SLC35F1: variants seen among roughly 807,000 people sequenced by gnomAD.
SLC35F1 encodes the protein chromosome 6 open reading frame 169.
In SLC35F1, 14 loss-of-function variants were observed where a neutral mutation model predicts 48.7. That is an observed-to-expected ratio of 0.29 (90% CI 0.19 to 0.45). The LOEUF (loss-of-function observed/expected upper bound fraction) is 0.45. Ranked by LOEUF, SLC35F1 falls within the 20% of genes least tolerant of loss-of-function variation. The probability of loss-of-function intolerance (pLI) is 1.00; values close to 1 mark genes in which losing one functional copy is unlikely to be tolerated. For synonymous variants in SLC35F1, 190 were observed against 202.2 expected (o/e 0.94, Z 0.51); for missense variants, 404 against 500.0 (o/e 0.81, Z 1.83).
At chr6:118,232,419 A>T (rs1193981980) in intron 2 of SLC35F1, among the ~76,000 whole-genome samples, 1 of 151,882 alleles carries the variant, frequency 6.6e-6, no homozygotes, top group African/African-American at 2.4e-5. Flanking sequence ...GTGGTGGTGC[A>T]TGCCTGTAAT....
intron 3 of SLC35F1, among the ~76,000 whole-genome samples, chr6:118,246,900 A>T: frequency 6.6e-6 from 1 of 152,140 alleles, no homozygotes; most frequent in East Asian, 1.9e-4. Flanking sequence ...CTACTAAGTG[A>T]CTTTTAACAG....
intron 2 of SLC35F1, among the ~76,000 whole-genome samples, chr6:118,184,731 G>A (rs984316726): frequency 5.3e-5 from 8 of 152,078 alleles, no homozygotes; most frequent in Non-Finnish European, 1.0e-4. Flanking sequence ...TTTGAACTTC[G>A]GGGCACATCC....
chr6:117,922,347 T>C (rs1457995372), intron 1 of SLC35F1, among the ~76,000 whole-genome samples: 1 of 152,182 alleles, frequency 6.6e-6, no homozygotes, highest in Non-Finnish European at 1.5e-5. Flanking sequence ...AGATATTAAT[T>C]TGTGTTAAAT....
At chr6:118,139,256 G>T (rs1378595855) in intron 1 of SLC35F1, among the ~76,000 whole-genome samples, 3 of 152,130 alleles carry the variant, frequency 2.0e-5, no homozygotes, top group Non-Finnish European at 4.4e-5. Flanking sequence ...GGGACTACAG[G>T]CGCCTGCCAC....
At chr6:118,308,543 T>G (rs1776338514) in intron 7 of SLC35F1, among the ~76,000 whole-genome samples, 1 of 152,184 alleles carries the variant, frequency 6.6e-6, no homozygotes, top group African/African-American at 2.4e-5. Flanking sequence ...ATGGTTGCAT[T>G]GATTTTGAAG....
rs142597633 is a variant in SLC35F1 at position 118,040,403 on chromosome 6, A to G, written c.174-114042A>G. Among the ~76,000 whole-genome samples, 862 of 152,272 alleles carry G rather than the reference A, an allele frequency of 5.7e-3. 9 individuals carry two copies. Among genetic ancestry groups the G allele is most frequent in the African/African-American group, 0.02 (827 of 41,556 alleles). ...TTTTCTAGAATTTGTAGGCATAATC[A>G]GCGAAAAGGGATGGATTATAGGAAA... On this transcript the variant is annotated intron_variant, in intron 1 of 7. Coordinates refer to ENST00000360388, the MANE Select transcript of SLC35F1 (RefSeq NM_001029858.4).
intron 1 of SLC35F1, among the ~76,000 whole-genome samples, chr6:118,048,734 A>G (rs1772338101): frequency 6.6e-6 from 1 of 152,240 alleles, no homozygotes; most frequent in African/African-American, 2.4e-5. Context: ...AAATGGAAGA[A>G]CATTCCATGC....
At chr6:118,018,971 T>A (rs2114882754) in intron 1 of SLC35F1, among the ~76,000 whole-genome samples, 1 of 152,284 alleles carries the variant, frequency 6.6e-6, no homozygotes, top group South Asian at 2.1e-4. Context: ...AGACTGAAAA[T>A]CATTTGAAAT....
At position 118,032,627 on chromosome 6, in the gene SLC35F1, C is replaced by G. The variant is rs1279409718; in HGVS notation, c.174-121818C>G. Among the ~76,000 whole-genome samples the G allele has an allele frequency of 2.6e-5, 4 of 152,198 alleles. No homozygotes were observed. In the South Asian group the frequency reaches 8.3e-4, roughly 31 times the overall value. ...CTGTTTCTCTTCCAACTTGATTTAA[C>G]TGTTACAGGTAATTCCAGTGTGATA... On this transcript the variant is annotated intron_variant, in intron 1 of 7. Coordinates refer to ENST00000360388, the MANE Select transcript of SLC35F1 (RefSeq NM_001029858.4).
At chr6:118,025,482 C>G (rs1476874864) in intron 1 of SLC35F1, among the ~76,000 whole-genome samples, 2 of 152,144 alleles carry the variant, frequency 1.3e-5, no homozygotes, top group African/African-American at 4.8e-5. Context: ...AGTTATTCCC[C>G]TGTGGTTTCC....
chr6:118,290,806 T>C (rs1163007509), intron 7 of SLC35F1, among the ~76,000 whole-genome samples: 1 of 150,948 alleles, frequency 6.6e-6, no homozygotes, highest in African/African-American at 2.4e-5. Context: ...CTATTTTTTT[T>C]TTTTTCGAGA....
chr6:118,241,834 T>G (rs996336124), intron 3 of SLC35F1, among the ~76,000 whole-genome samples: 1 of 152,202 alleles, frequency 6.6e-6, no homozygotes, highest in Non-Finnish European at 1.5e-5. Context: ...TATTTAACAT[T>G]TTGAGATTGG....
chr6:118,214,904 T>C (rs1020844349), intron 2 of SLC35F1, among the ~76,000 whole-genome samples: 24 of 152,206 alleles, frequency 1.6e-4, no homozygotes, highest in African/African-American at 5.5e-4. Context: ...GTATGACTTG[T>C]GCTCTTTTGT....
chr6:118,269,964 G>A (rs920947022), intron 4 of SLC35F1, among the ~76,000 whole-genome samples: 7 of 152,092 alleles, frequency 4.6e-5, no homozygotes, highest in South Asian at 4.1e-4. Flanking sequence ...GGAGTTTAAC[G>A]TTATAGTGAG....
intron 1 of SLC35F1, among the ~76,000 whole-genome samples, chr6:117,919,984 G>A (rs1469373750): frequency 6.6e-6 from 1 of 152,188 alleles, no homozygotes; most frequent in African/African-American, 2.4e-5. Flanking sequence ...CAGCGGGATG[G>A]ATAGAGCGGC....
chr6:118,269,396 A>G (rs564846477), intron 4 of SLC35F1, among the ~76,000 whole-genome samples: 1 of 152,316 alleles, frequency 6.6e-6, no homozygotes, highest in Admixed American at 6.5e-5. Flanking sequence ...CTTCTGTGCT[A>G]TTGAAATGGT....
intron 1 of SLC35F1, among the ~76,000 whole-genome samples, chr6:117,928,646 C>G (rs1214305416): frequency 6.6e-6 from 1 of 152,128 alleles, no homozygotes. Flanking sequence ...GCCATAGATA[C>G]TAGTTTGCTC....
At chr6:118,159,666 A>G (rs561395535) in intron 2 of SLC35F1, among the ~76,000 whole-genome samples, 6 of 152,338 alleles carry the variant, frequency 3.9e-5, no homozygotes, top group East Asian at 3.9e-4. Flanking sequence ...CTGGGGTCCA[A>G]TGAAGACCAC....
chr6:118,298,710 A>G (rs1776221907), intron 7 of SLC35F1, among the ~76,000 whole-genome samples: 1 of 152,214 alleles, frequency 6.6e-6, no homozygotes. Context: ...GGTTAGCAAC[A>G]ATGCTGATTC....
Sources: gnomAD v4.1 joint callset for allele counts (sites outside exome capture counted in the v4.1 genomes callset) on GRCh38, gnomAD v4.1.1 for gene constraint, MANE v1.5 for transcripts, NCBI Gene and HGNC (gene_info 2026-07-23, HGNC 2026-07-21) for gene names.